The following DCAF6 variants were observed in gnomAD, a reference collection of about 807,000 sequenced individuals.
DCAF6 encodes DDB1- and CUL4-associated factor 6.
DCAF6 carries 54 observed loss-of-function variants against 125.1 expected under a neutral mutation model. That is an observed-to-expected ratio of 0.43 (90% CI 0.35 to 0.54). The LOEUF (loss-of-function observed/expected upper bound fraction) is 0.54, where lower values mean the gene tolerates loss of function less well. DCAF6 is among the 20% of genes least tolerant of loss of function. The probability of loss-of-function intolerance (pLI) is 0.01; values close to 1 mark genes in which losing one functional copy is unlikely to be tolerated. For missense variants in DCAF6, 934 were observed against 1,161.7 expected, an observed-to-expected ratio of 0.80 and a Z score of 2.85; for synonymous variants, 371 against 390.4, an observed-to-expected ratio of 0.95 and a Z score of 0.58.
chr1:167,939,678 G>A (rs1038497375), intron 1 of DCAF6, among the ~76,000 whole-genome samples: 5 of 152,122 alleles, frequency 3.3e-5, no homozygotes, highest in Non-Finnish European at 7.4e-5. Flanking sequence ...CAGGAGAATA[G>A]CTTGAACTTG....
At chr1:167,922,013 G>T in the DCAF6 span, among the ~76,000 whole-genome samples, 1 of 152,276 alleles carries the variant, frequency 6.6e-6, no homozygotes, top group South Asian at 2.1e-4. Context: ...AAGGCATATG[G>T]TCTGAGAGTC....
the DCAF6 span, among the ~76,000 whole-genome samples, chr1:167,930,442 A>G: frequency 5.5e-3 from 837 of 152,322 alleles, 7 homozygotes; most frequent in African/African-American, 0.019. Context: ...TGTTTAAAAT[A>G]AATAATCCAA....
the DCAF6 span, among the ~76,000 whole-genome samples, chr1:167,912,610 G>T: frequency 6.6e-6 from 1 of 152,324 alleles, no homozygotes; most frequent in East Asian, 1.9e-4. Context: ...CCCCACTGGG[G>T]GTTCCCTCTC....
the DCAF6 span, among the ~76,000 whole-genome samples, chr1:167,869,715 TACTC>T: frequency 1.2e-4 from 19 of 152,206 alleles, no homozygotes; most frequent in Admixed American, 2.6e-4. Context: ...CCCCCTGGCT[TACTC>T]AATCGATCAC....
At chr1:168,037,693 A>G (rs763005371) in intron 12 of DCAF6, among the ~76,000 whole-genome samples, 8 of 152,354 alleles carry the variant, frequency 5.3e-5, no homozygotes, top group Admixed American at 3.3e-4. Flanking sequence ...GACATCATCT[A>G]TAGGCTCTTA....
At chr1:167,904,384 T>TCAGCTTTTAAAAACAGGCAGAGGC in the DCAF6 span, among the ~76,000 whole-genome samples, 1 of 152,036 alleles carries the variant, frequency 6.6e-6, no homozygotes, top group East Asian at 1.9e-4. Context: ...CCGAACCCGG[T>TCAGCTTTTAAAAACAGGCAGAGGC]GGCCTCAGCT....
the DCAF6 span, chr1:167,924,462 T>C: frequency 6.4e-7 from 1 of 1,572,018 alleles, no homozygotes. Flanking sequence ...AAGGAATTTG[T>C]CTTTCAGTAG....
chr1:167,910,771 T>G, the DCAF6 span, among the ~76,000 whole-genome samples: 1 of 152,220 alleles, frequency 6.6e-6, no homozygotes, highest in African/African-American at 2.4e-5. Context: ...TGAGCAGAAC[T>G]GAGCAGGGCG....
chr1:167,928,235 CTA>C, the DCAF6 span, among the ~76,000 whole-genome samples: 151 of 151,382 alleles, frequency 1.0e-3, no homozygotes, highest in Non-Finnish European at 1.5e-3. Context: ...GTAGTCCCAG[CTA>C]CTCGGGAGGC....
chr1:167,989,206 A>G (rs559957007), intron 5 of DCAF6, among the ~76,000 whole-genome samples: 2 of 152,332 alleles, frequency 1.3e-5, no homozygotes, highest in Non-Finnish European at 2.9e-5. Flanking sequence ...ATAAGCTTAA[A>G]TATCACGTTA....
At chr1:168,049,953 G>A (rs1558030412) in intron 16 of DCAF6, among the ~76,000 whole-genome samples, 1 of 150,052 alleles carries the variant, frequency 6.7e-6, no homozygotes, top group Non-Finnish European at 1.5e-5. Flanking sequence ...CCGCACCCAG[G>A]CTGTATAATT....
intron 11 of DCAF6, among the ~76,000 whole-genome samples, chr1:168,022,706 A>G (rs983243513): frequency 2.0e-5 from 3 of 152,176 alleles, no homozygotes; most frequent in African/African-American, 4.8e-5. Flanking sequence ...TAATATATCT[A>G]CCTTGCACCT....
At chr1:167,873,965 T>C in the DCAF6 span, among the ~76,000 whole-genome samples, 1 of 152,166 alleles carries the variant, frequency 6.6e-6, no homozygotes, top group Non-Finnish European at 1.5e-5. Context: ...CTCTAGAATG[T>C]GTAAATAATT....
Position 168,052,643 on chromosome 1 carries a change from A to G in DCAF6, c.2300+1710A>G, listed in dbSNP as rs3767472. ...AAAAATAAAATTATCACAGATGTTT[A>G]TATCTACTGCCCGTTATGACTAGTC... On this transcript the variant is annotated intron_variant, in intron 17 of 21. Transcript: ENST00000367840. 3.5e-4 allele frequency among the ~76,000 whole-genome samples: 53 copies of G among 152,342 alleles called. 3 individuals carry two copies. In the East Asian group the frequency reaches 9.7e-3, roughly 28 times the overall value.
chr1:167,868,721 C>T, the DCAF6 span, among the ~76,000 whole-genome samples: 28 of 152,272 alleles, frequency 1.8e-4, no homozygotes, highest in African/African-American at 6.3e-4. Context: ...CTATGCTTTC[C>T]GCGAAAAGCG....
the DCAF6 span, chr1:167,878,639 T>C: frequency 2.5e-6 from 4 of 1,613,584 alleles, no homozygotes; most frequent in Non-Finnish European, 2.5e-6. Context: ...CCAATGACTA[T>C]AGCAAGAAAG....
the DCAF6 span, among the ~76,000 whole-genome samples, chr1:167,921,257 C>CT: frequency 1.3e-5 from 2 of 151,148 alleles, no homozygotes; most frequent in African/African-American, 4.9e-5. Flanking sequence ...CAGTCTCACT[C>CT]TGTCACCCAG....
At chr1:168,004,102 C>T in intron 9 of DCAF6, 113 bp downstream of exon 9, 1 of 1,288,082 alleles carries the variant, frequency 7.8e-7, no homozygotes, top group East Asian at 2.5e-5. Context: ...GTAATAATCA[C>T]AAGGTTCTTA....
At chr1:167,887,977 T>C in the DCAF6 span, among the ~76,000 whole-genome samples, 1 of 152,068 alleles carries the variant, frequency 6.6e-6, no homozygotes, top group African/African-American at 2.4e-5. Context: ...GAGATAGGAG[T>C]CTAGTTTCAT....
Sources: gnomAD v4.1 joint callset for allele counts (sites outside exome capture counted in the v4.1 genomes callset) on GRCh38, gnomAD v4.1.1 for gene constraint, MANE v1.5 for transcripts, NCBI Gene and HGNC (gene_info 2026-07-23, HGNC 2026-07-21) for gene names.